The following PDE10A variants were observed in gnomAD, a reference collection of about 807,000 sequenced individuals.
PDE10A encodes cAMP and cAMP-inhibited cGMP 3',5'-cyclic phosphodiesterase 10A.
PDE10A carries 39 observed loss-of-function variants against 97.7 expected under a neutral mutation model. The observed-to-expected ratio is 0.40, with a 90% confidence interval of 0.31 to 0.52. The LOEUF (loss-of-function observed/expected upper bound fraction) is 0.52, where lower values mean the gene tolerates loss of function less well. Ranked by LOEUF, PDE10A falls within the 20% of genes least tolerant of loss-of-function variation. PDE10A has a pLI of 0.56. For missense variants in PDE10A, 731 were observed against 1,047.8 expected, an observed-to-expected ratio of 0.70 and a Z score of 4.17; for synonymous variants, 371 against 376.8, an observed-to-expected ratio of 0.98 and a Z score of 0.18.
chr6:165,955,561 T>C (rs905745614), intron 1 of PDE10A, among the ~76,000 whole-genome samples: 1 of 152,172 alleles, frequency 6.6e-6, no homozygotes, highest in African/African-American at 2.4e-5. Context: ...ATCTTCTTCT[T>C]ACAAAGCCCA....
chr6:165,811,711 T>C (rs1227349550), intron 1 of PDE10A, among the ~76,000 whole-genome samples: 1 of 152,228 alleles, frequency 6.6e-6, no homozygotes, highest in East Asian at 1.9e-4. Context: ...AGGGGGGCTC[T>C]GTCCTGTCTT....
chr6:165,956,466 T>C (rs569868976), intron 1 of PDE10A, among the ~76,000 whole-genome samples: 157 of 152,306 alleles, frequency 1.0e-3, no homozygotes, highest in Middle Eastern at 6.8e-3. Context: ...ACAGGAATGA[T>C]GAAAGTCACA....
intron 1 of PDE10A, among the ~76,000 whole-genome samples, chr6:165,594,870 C>T (rs941216984): frequency 1.3e-5 from 2 of 152,184 alleles, no homozygotes; most frequent in African/African-American, 2.4e-5. Flanking sequence ...ACCATATACT[C>T]ATGTGCATGT....
intron 1 of PDE10A, among the ~76,000 whole-genome samples, chr6:165,681,581 C>T (rs1296428145): frequency 3.3e-5 from 5 of 152,104 alleles, no homozygotes; most frequent in Non-Finnish European, 5.9e-5. Flanking sequence ...CCGATGCTGC[C>T]GGTCTAGCAC....
chr6:165,876,686 C>G (rs922849787), intron 1 of PDE10A, among the ~76,000 whole-genome samples: 6 of 152,196 alleles, frequency 3.9e-5, no homozygotes, highest in Admixed American at 3.9e-4. Context: ...AAACCTGCAG[C>G]CTCCCAGTTC....
At chr6:165,797,327 T>A (rs992855574) in intron 1 of PDE10A, among the ~76,000 whole-genome samples, 1 of 152,244 alleles carries the variant, frequency 6.6e-6, no homozygotes, top group Non-Finnish European at 1.5e-5. Context: ...CCACTGGTAA[T>A]CCTTGTAAAA....
intron 15 of PDE10A, among the ~76,000 whole-genome samples, chr6:165,394,961 A>C (rs1786037012): frequency 6.6e-6 from 1 of 152,196 alleles, no homozygotes; most frequent in African/African-American, 2.4e-5. Context: ...ACCAGGCTAC[A>C]ACCATGTTGC....
At chr6:165,935,405 T>C (rs867742940) in intron 1 of PDE10A, among the ~76,000 whole-genome samples, 1 of 152,150 alleles carries the variant, frequency 6.6e-6, no homozygotes, top group Non-Finnish European at 1.5e-5. Context: ...CTTTGTCTTA[T>C]AGCAAGTGGT....
At chr6:165,934,700 AT>A (rs1312033880) in intron 1 of PDE10A, among the ~76,000 whole-genome samples, 1 of 152,058 alleles carries the variant, frequency 6.6e-6, no homozygotes, top group African/African-American at 2.4e-5. Flanking sequence ...GGATGGCAAA[AT>A]TTTCATCTGT....
intron 1 of PDE10A, among the ~76,000 whole-genome samples, chr6:165,669,400 T>C (rs1790585215): frequency 6.6e-6 from 1 of 152,200 alleles, no homozygotes; most frequent in African/African-American, 2.4e-5. Context: ...CATGCTGCAC[T>C]AATATTGCCA....
chr6:165,818,054 G>C (rs1779469276), intron 1 of PDE10A, among the ~76,000 whole-genome samples: 1 of 152,196 alleles, frequency 6.6e-6, no homozygotes, highest in Non-Finnish European at 1.5e-5. Context: ...AGCAAGCTGA[G>C]CTGAGTCCCA....
At chr6:165,708,614 A>G (rs1791783179) in intron 1 of PDE10A, among the ~76,000 whole-genome samples, 1 of 151,426 alleles carries the variant, frequency 6.6e-6, no homozygotes, top group Admixed American at 6.6e-5. Flanking sequence ...CAAAAACACA[A>G]AGCAAAATGA....
intron 1 of PDE10A, among the ~76,000 whole-genome samples, chr6:165,551,166 T>C (rs1783996246): frequency 6.6e-6 from 1 of 152,210 alleles, no homozygotes; most frequent in Admixed American, 6.5e-5. Context: ...GCTGTACACA[T>C]ATGCACCTAT....
intron 1 of PDE10A, among the ~76,000 whole-genome samples, chr6:165,839,907 A>ATTCTT (rs1562762592): frequency 1.0e-4 from 4 of 38,918 alleles, no homozygotes; most frequent in African/African-American, 2.1e-4. Context: ...TCCCATCTCC[A>ATTCTT]ACTCCATCCC....
intron 18 of PDE10A, among the ~76,000 whole-genome samples, chr6:165,363,469 C>A (rs1000447658): frequency 6.6e-6 from 1 of 151,682 alleles, no homozygotes; most frequent in Non-Finnish European, 1.5e-5. Context: ...GAGCTGAGAT[C>A]GTGCCACTGC....
chr6:165,411,011 C>T (rs1271787126), intron 13 of PDE10A, among the ~76,000 whole-genome samples: 1 of 92,538 alleles, frequency 1.1e-5, no homozygotes, highest in Admixed American at 1.1e-4. Context: ...GGCGTGAACC[C>T]GGGAGGCGGA....
chr6:165,604,518 T>TAAA (rs34272357), intron 1 of PDE10A, among the ~76,000 whole-genome samples: 1 of 137,766 alleles, frequency 7.3e-6, no homozygotes, highest in African/African-American at 2.7e-5. Flanking sequence ...CTCTCTTTGT[T>TAAA]AAAAAAAAAA....
Position 165,396,366 on chromosome 6 carries a change from C to T in PDE10A, c.2170G>A (p.Gly724Ser). ...ACGGGAAGGGTGAATTGCATGAGAC[C>T]TTGCCACTCTTCTGAAGTACAAATG... Reference protein sequence around the residue: ...HSICTSEEWQGLMQFTLPVRL... With the variant: ...HSICTSEEWQSLMQFTLPVRL... The change falls in exon 14 of 22, where the codon GGT (glycine) becomes AGT (serine). Residue 724 changes from glycine (G) to serine (S), a missense_variant. Physicochemically the swap from Gly to Ser is moderately conservative, Grantham distance 56. Around this residue, in one of 8 missense-constraint regions of PDE10A, gnomAD observed 131 missense variants for 187.4 expected, o/e 0.70. Transcript: ENST00000539869. The T allele has an allele frequency of 6.2e-7, 1 of 1,613,500 alleles. No individual in the cohort carries two copies. The highest frequency in any genetic ancestry group is 8.5e-7 in the Non-Finnish European group (1 of 1,179,670).
chr6:165,622,966 C>T (rs1221603898), intron 1 of PDE10A, among the ~76,000 whole-genome samples: 1 of 152,106 alleles, frequency 6.6e-6, no homozygotes, highest in Non-Finnish European at 1.5e-5. Context: ...CCTCCCCCCA[C>T]CCTTACTCCT....
Sources: gnomAD v4.1 joint callset for allele counts (sites outside exome capture counted in the v4.1 genomes callset) on GRCh38, gnomAD v4.1.1 for gene constraint, gnomAD v4.1.1 regional missense constraint, MANE v1.5 for transcripts, NCBI Gene and HGNC (gene_info 2026-07-23, HGNC 2026-07-21) for gene names.